Variants in ELMO1 observed in about 807,000 individuals in gnomAD.
ELMO1 encodes the protein engulfment and cell motility protein 1.
A neutral mutation model predicts 98.9 loss-of-function variants in ELMO1; 26 were observed. The ratio of observed to expected loss-of-function variants is 0.26; its 90% CI spans 0.19 to 0.36. The LOEUF is 0.36. Ranked by LOEUF, ELMO1 falls within the 10% of genes least tolerant of loss-of-function variation. The pLI is 1.00. For synonymous variants in ELMO1, 346 were observed against 346.0 expected, an observed-to-expected ratio of 1.00 and a Z score of 0.00; for missense variants, 627 against 935.2, an observed-to-expected ratio of 0.67 and a Z score of 4.30.
intron 15 of ELMO1, among the ~76,000 whole-genome samples, chr7:37,061,689 G>C (rs183502931): frequency 3.9e-5 from 6 of 152,268 alleles, no homozygotes; most frequent in Admixed American, 2.0e-4. Context: ...TATGCTGTCT[G>C]CTGCCTTTTA....
At chr7:36,947,533 T>C (rs1031251646) in intron 16 of ELMO1, among the ~76,000 whole-genome samples, 1 of 152,184 alleles carries the variant, frequency 6.6e-6, no homozygotes, top group Non-Finnish European at 1.5e-5. Context: ...ATCAGGTGTT[T>C]ATCTCCTGCT....
intron 20 of ELMO1, chr7:36,861,990 A>T: frequency 2.0e-6 from 1 of 501,796 alleles, no homozygotes; most frequent in Non-Finnish European, 3.6e-6. Flanking sequence ...CATCTCCTTT[A>T]TGAGGTGGGG....
chr7:37,395,958 G>C (rs552078217), intron 1 of ELMO1, among the ~76,000 whole-genome samples: 1 of 151,502 alleles, frequency 6.6e-6, no homozygotes, highest in South Asian at 2.1e-4. Flanking sequence ...CAGCTTTTTC[G>C]CCTTTACTTA....
At chr7:36,900,274 G>A (rs1349578610) in intron 16 of ELMO1, among the ~76,000 whole-genome samples, 1 of 152,216 alleles carries the variant, frequency 6.6e-6, no homozygotes, top group Non-Finnish European at 1.5e-5. Flanking sequence ...AAGCAGTGAA[G>A]CTAGTTATTG....
At chr7:37,204,498 C>T (rs544530689) in intron 13 of ELMO1, among the ~76,000 whole-genome samples, 11 of 152,206 alleles carry the variant, frequency 7.2e-5, no homozygotes, top group South Asian at 2.1e-4. Flanking sequence ...CTCATAAAGG[C>T]GGCACAGACC....
At chr7:37,094,767 A>G (rs1784287898) in intron 15 of ELMO1, among the ~76,000 whole-genome samples, 1 of 152,224 alleles carries the variant, frequency 6.6e-6, no homozygotes, top group Non-Finnish European at 1.5e-5. Flanking sequence ...ATCACCACCC[A>G]AAATACTTCC....
At position 36,886,996 on chromosome 7, in the gene ELMO1, A is replaced by G. The variant is rs892108611; in HGVS notation, c.1714+564T>C. 2.0e-5 allele frequency among the ~76,000 whole-genome samples: 3 copies of G among 152,306 alleles called. No homozygotes were observed. In the East Asian group the frequency reaches 5.8e-4, roughly 29 times the overall value. The stretch of plus-strand genomic sequence containing the variant: ...TGCTGGAAGCTCCAAGATCAAACCA[A>G]ACAGTGAGTGCCAGCTCTCCTACAG... On this transcript the variant is annotated intron_variant, in intron 18 of 21. Transcript: ENST00000310758.
intron 13 of ELMO1, among the ~76,000 whole-genome samples, chr7:37,209,184 C>T (rs113215971): frequency 4.6e-5 from 7 of 152,300 alleles, no homozygotes; most frequent in African/African-American, 1.7e-4. Context: ...GGTCATCTCA[C>T]ATAAGAACAG....
intron 5 of ELMO1, among the ~76,000 whole-genome samples, chr7:37,266,928 A>G (rs1371412073): frequency 7.2e-5 from 11 of 151,744 alleles, no homozygotes; most frequent in Middle Eastern, 3.4e-3. Context: ...CAGGAGAATC[A>G]CTTGAACCCA....
At chr7:37,331,039 T>G (rs1010945683) in intron 2 of ELMO1, among the ~76,000 whole-genome samples, 2 of 151,634 alleles carry the variant, frequency 1.3e-5, no homozygotes, top group Non-Finnish European at 2.9e-5. Context: ...ATGCAAGATT[T>G]TATCACAGTA....
At chr7:36,880,734 C>G (rs1486429235) in intron 18 of ELMO1, among the ~76,000 whole-genome samples, 12 of 152,162 alleles carry the variant, frequency 7.9e-5, no homozygotes, top group African/African-American at 2.2e-4. Flanking sequence ...ATCAGCAACT[C>G]TGGCAATACT....
At chr7:37,029,434 G>A (rs911379544) in intron 15 of ELMO1, among the ~76,000 whole-genome samples, 2 of 151,720 alleles carry the variant, frequency 1.3e-5, no homozygotes, top group South Asian at 4.1e-4. Flanking sequence ...CGGCGATTAT[G>A]AAGATTATGT....
chr7:37,432,897 A>T (rs1346199276), intron 1 of ELMO1, among the ~76,000 whole-genome samples: 1 of 152,276 alleles, frequency 6.6e-6, no homozygotes, highest in Non-Finnish European at 1.5e-5. Context: ...GTAGAGAATT[A>T]TAAGTAGACA....
chr7:37,145,204 T>C (rs764356274), intron 13 of ELMO1, among the ~76,000 whole-genome samples: 1 of 152,228 alleles, frequency 6.6e-6, no homozygotes, highest in Non-Finnish European at 1.5e-5. Context: ...ATGTTGCTAG[T>C]TGAGGACTCT....
At chr7:37,083,410 A>G (rs1783581677) in intron 15 of ELMO1, among the ~76,000 whole-genome samples, 1 of 152,226 alleles carries the variant, frequency 6.6e-6, no homozygotes, top group Non-Finnish European at 1.5e-5. Flanking sequence ...AAGTTATACA[A>G]GACAGAAGAG....
chr7:36,856,712 C>A (rs918329382), intron 21 of ELMO1, among the ~76,000 whole-genome samples: 1 of 152,184 alleles, frequency 6.6e-6, no homozygotes, highest in African/African-American at 2.4e-5. Flanking sequence ...GAAAGAGGCA[C>A]CCCTGATGCC....
chr7:37,091,382 C>T (rs1340582568), intron 15 of ELMO1, among the ~76,000 whole-genome samples: 1 of 152,218 alleles, frequency 6.6e-6, no homozygotes, highest in East Asian at 1.9e-4. Context: ...GCTGGGATTA[C>T]AGGCGTGAGC....
intron 1 of ELMO1, among the ~76,000 whole-genome samples, chr7:37,356,812 A>G (rs541353718): frequency 6.6e-6 from 1 of 152,248 alleles, no homozygotes; most frequent in South Asian, 2.1e-4. Context: ...ACAAATTCAC[A>G]AAATCCTTTA....
chr7:37,050,654 AC>A (rs1302754533), intron 15 of ELMO1, among the ~76,000 whole-genome samples: 78 of 147,346 alleles, frequency 5.3e-4, no homozygotes, highest in South Asian at 1.1e-3. Context: ...ACACACACAC[AC>A]ACACAAAAGG....
Sources: gnomAD v4.1 joint callset for allele counts (sites outside exome capture counted in the v4.1 genomes callset) on GRCh38, gnomAD v4.1.1 for gene constraint, MANE v1.5 for transcripts, NCBI Gene and HGNC (gene_info 2026-07-23, HGNC 2026-07-21) for gene names.